The following OR4K1 variants were observed in gnomAD, a reference collection of about 807,000 sequenced individuals.
The protein encoded by OR4K1 is olfactory receptor 4K1.
A neutral mutation model predicts 14.4 loss-of-function variants in OR4K1; 16 were observed. That is an observed-to-expected ratio of 1.11 (90% confidence interval 0.75 to 1.68). The LOEUF is 1.68. OR4K1 is among the 40% of genes most tolerant of loss of function. The pLI is 0.00. For synonymous variants in OR4K1, 181 were observed against 133.1 expected, an observed-to-expected ratio of 1.36 and a Z score of -2.48; for missense variants, 548 against 376.9, an observed-to-expected ratio of 1.45 and a Z score of -3.76.
the OR4K1 span, among the ~76,000 whole-genome samples, chr14:19,925,177 G>C: frequency 6.6e-6 from 1 of 152,190 alleles, no homozygotes; most frequent in African/African-American, 2.4e-5. Context: ...TTTAGTAAAT[G>C]TGGAAATAAC....
chr14:19,921,237 TTC>T, the OR4K1 span: 5 of 1,614,086 alleles, frequency 3.1e-6, no homozygotes, highest in Non-Finnish European at 4.2e-6. Flanking sequence ...CCTAAGCACT[TTC>T]TCTCTCTTGG....
intron 1 of OR4K1, 166 bp downstream of exon 1, chr14:19,931,311 C>A (rs1882178733): frequency 6.6e-6 from 1 of 152,296 alleles, no homozygotes; most frequent in Admixed American, 6.5e-5. Flanking sequence ...CTGTTCTCCA[C>A]TTCTCTGTCT....
At chr14:19,927,279 C>T (rs181739672), upstream of OR4K1, among the ~76,000 whole-genome samples, 71 of 152,338 alleles carry the variant, frequency 4.7e-4, no homozygotes, top group East Asian at 0.013. Flanking sequence ...CATTACTACT[C>T]ACTCAGATGA....
the OR4K1 span, among the ~76,000 whole-genome samples, chr14:19,922,290 G>A: frequency 1.3e-5 from 2 of 152,226 alleles, no homozygotes; most frequent in African/African-American, 4.8e-5. Flanking sequence ...CAAGATTTTC[G>A]TTTGTGCCAC....
upstream of OR4K1, among the ~76,000 whole-genome samples, chr14:19,929,069 G>A (rs540231847): frequency 1.3e-3 from 197 of 151,698 alleles, 2 homozygotes; most frequent in South Asian, 0.039. Context: ...CCAACTCCAA[G>A]ATTATAAAAA....
chr14:19,922,738 G>T, the OR4K1 span, among the ~76,000 whole-genome samples: 1 of 151,884 alleles, frequency 6.6e-6, no homozygotes, highest in East Asian at 1.9e-4. Context: ...CCACAATAAG[G>T]ACATAGACCT....
the OR4K1 span, chr14:19,920,782 T>C: frequency 1.2e-6 from 2 of 1,614,198 alleles, no homozygotes; most frequent in South Asian, 1.1e-5. Context: ...CACTCCCCTA[T>C]GTACTTTCTC....
At chr14:19,927,944 G>C (rs1320544930), upstream of OR4K1, among the ~76,000 whole-genome samples, 1 of 152,244 alleles carries the variant, frequency 6.6e-6, no homozygotes, top group Non-Finnish European at 1.5e-5. Context: ...AATTTACAGT[G>C]AAGAGGTGTG....
chr14:19,933,414 ATCTT>A (rs1882229843), intron 1 of OR4K1, among the ~76,000 whole-genome samples: 1 of 152,154 alleles, frequency 6.6e-6, no homozygotes, highest in Admixed American at 6.6e-5. Flanking sequence ...GAATGGGAAT[ATCTT>A]TCTTTTTCAA....
upstream of OR4K1, among the ~76,000 whole-genome samples, chr14:19,929,144 C>G (rs1033377997): frequency 1.3e-5 from 2 of 151,274 alleles, no homozygotes; most frequent in East Asian, 3.9e-4. Context: ...ATTTATTTTG[C>G]TTTTATAACT....
chr14:19,932,435 G>A (rs190593433), intron 1 of OR4K1, among the ~76,000 whole-genome samples: 10 of 150,934 alleles, frequency 6.6e-5, no homozygotes, highest in South Asian at 6.3e-4. Context: ...CTCCACTCCC[G>A]TGTAAATGCC....
upstream of OR4K1, chr14:19,930,768 T>C (rs1182276057): frequency 2.0e-5 from 3 of 152,288 alleles, no homozygotes; most frequent in East Asian, 5.8e-4. Context: ...AAAATTATTT[T>C]GTAAAACATA....
At chr14:19,921,746 A>G in the OR4K1 span, 8,317 of 739,806 alleles carry the variant, frequency 0.011, 48 homozygotes, top group Middle Eastern at 0.019. Context: ...AAATATAAAA[A>G]CATGGAAAAA....
chr14:19,921,606 C>G, the OR4K1 span: 23 of 1,576,478 alleles, frequency 1.5e-5, no homozygotes, highest in Middle Eastern at 6.8e-4. Context: ...TTCCTCAGGT[C>G]AATACACTGT....
the OR4K1 span, chr14:19,921,018 C>T: frequency 1.3e-5 from 21 of 1,614,148 alleles, no homozygotes; most frequent in East Asian, 8.9e-5. Context: ...CATCATGAGC[C>T]GAAGGACATG....
the OR4K1 span, chr14:19,921,291 T>G: frequency 6.2e-7 from 1 of 1,614,206 alleles, no homozygotes; most frequent in Non-Finnish European, 8.5e-7. Flanking sequence ...TTGGCTCAAG[T>G]CTTCAGCTGC....
chr14:19,925,575 C>G, the OR4K1 span, among the ~76,000 whole-genome samples: 1 of 152,178 alleles, frequency 6.6e-6, no homozygotes, highest in Admixed American at 6.5e-5. Flanking sequence ...GCTACCAAAC[C>G]CAGGGCAGAC....
At chr14:19,920,680 T>TTTTCTGTGTTG in the OR4K1 span, 1 of 1,614,000 alleles carries the variant, frequency 6.2e-7, no homozygotes, top group Non-Finnish European at 8.5e-7. Context: ...AAACTCCAGC[T>TTTTCTGTGTTG]TTTCTATTTT....
At chr14:19,921,608 A>T in the OR4K1 span, 2 of 1,573,152 alleles carry the variant, frequency 1.3e-6, no homozygotes, top group African/African-American at 1.4e-5. Context: ...CCTCAGGTCA[A>T]TACACTGTTT....
Sources: gnomAD v4.1 joint callset for allele counts (sites outside exome capture counted in the v4.1 genomes callset) on GRCh38, gnomAD v4.1.1 for gene constraint, MANE v1.5 for transcripts, NCBI Gene and HGNC (gene_info 2026-07-23, HGNC 2026-07-21) for gene names.